TULP4: variants seen among roughly 807,000 people sequenced by gnomAD.
The protein encoded by TULP4 is TUB like protein 4, also known as tubby-related protein 4.
TULP4 carries 16 observed loss-of-function variants against 129.0 expected under a neutral mutation model. That is an observed-to-expected ratio of 0.12 (90% CI 0.08 to 0.19). The LOEUF (loss-of-function observed/expected upper bound fraction) is 0.19, where lower values mean the gene tolerates loss of function less well. Among genes scored for constraint, TULP4 ranks in the 10% least tolerant of loss-of-function variants. The pLI, the probability that TULP4 is intolerant of heterozygous loss-of-function variation, is 1.00. For missense variants in TULP4, 1,842 were observed against 2,059.1 expected (o/e 0.89, Z 2.04); for synonymous variants, 998 against 854.0 (o/e 1.17, Z -2.94).
At chr6:158,284,441 T>C (rs827853) in intron 1 of TULP4, among the ~76,000 whole-genome samples, 20,283 of 152,238 alleles carry the variant, frequency 0.13, 1,717 homozygotes, top group African/African-American at 0.23. Flanking sequence ...TGCTACCCTC[T>C]ACCCGCTGCT....
At chr6:158,442,019 C>T (rs940438723) in intron 3 of TULP4, among the ~76,000 whole-genome samples, 8 of 152,202 alleles carry the variant, frequency 5.3e-5, no homozygotes, top group African/African-American at 1.9e-4. Flanking sequence ...GTTATTTCTG[C>T]TTCCCTGAAT....
At chr6:158,425,283 G>A (rs184356062) in intron 2 of TULP4, among the ~76,000 whole-genome samples, 1 of 151,908 alleles carries the variant, frequency 6.6e-6, no homozygotes, top group Admixed American at 6.5e-5. Flanking sequence ...GGAAGCCGAG[G>A]AGGGCCGATC....
chr6:158,321,059 A>T (rs1319929536), intron 1 of TULP4, among the ~76,000 whole-genome samples: 1 of 151,974 alleles, frequency 6.6e-6, no homozygotes, highest in Non-Finnish European at 1.5e-5. Flanking sequence ...TTTTAAAAAA[A>T]TTTTCTTTAA....
At chr6:158,275,251 C>T (rs918215190) in intron 1 of TULP4, among the ~76,000 whole-genome samples, 1 of 152,154 alleles carries the variant, frequency 6.6e-6, no homozygotes, top group African/African-American at 2.4e-5. Flanking sequence ...CCTCTTAGTC[C>T]TGCCCATCTT....
rs1052243578 is a variant in TULP4 at position 158,489,656 on chromosome 6, A to G, written c.1555A>G (p.Ile519Val). Residue 519 changes from isoleucine to valine, a missense_variant, in exon 9 of 14, where the codon ATT (isoleucine) becomes GTT (valine). Physicochemically the swap from Ile to Val is conservative, Grantham distance 29. Around this residue, in one of 5 missense-constraint regions of TULP4, gnomAD observed 456 missense variants for 534.3 expected, o/e 0.85. Transcript: ENST00000367097. ...CTGCAACTGCTCAGACTCCAGTGAC[A>G]TTGAGCTGAGTGATGACTGGGCTGC... Reference protein sequence around the residue: ...DSCNCSDSSDIELSDDWAAKK... With the variant: ...DSCNCSDSSDVELSDDWAAKK... 30 of 1,614,108 alleles carry G rather than the reference A, an allele frequency of 1.9e-5. No homozygotes were observed. Among genetic ancestry groups the G allele is most frequent in the African/African-American group, 2.7e-5 (2 of 74,942 alleles).
intron 6 of TULP4, among the ~76,000 whole-genome samples, chr6:158,478,868 A>G (rs1178642872): frequency 6.6e-6 from 1 of 152,142 alleles, no homozygotes; most frequent in Non-Finnish European, 1.5e-5. Flanking sequence ...CTCAAAGATA[A>G]TGATGGCCAT....
intron 1 of TULP4, among the ~76,000 whole-genome samples, chr6:158,349,003 C>T (rs1359984043): frequency 1.5e-4 from 10 of 65,312 alleles, no homozygotes; most frequent in East Asian, 9.9e-4. Flanking sequence ...CGGGCAGAGG[C>T]GCTCCTCACT....
intron 2 of TULP4, among the ~76,000 whole-genome samples, chr6:158,414,371 C>T (rs1392576983): frequency 1.0e-5 from 1 of 95,444 alleles, no homozygotes; most frequent in Non-Finnish European, 3.1e-5. Context: ...CAATGTAGGC[C>T]GGAAATCCCA....
At chr6:158,501,583 G>A in intron 12 of TULP4, 95 bp from the exon 13 acceptor site, 1 of 1,274,474 alleles carries the variant, frequency 7.8e-7, no homozygotes, top group Non-Finnish European at 1.1e-6. Flanking sequence ...TTTGTTTACA[G>A]AAGGAGACTG....
intron 13 of TULP4, among the ~76,000 whole-genome samples, chr6:158,504,573 A>G (rs1780554882): frequency 6.8e-6 from 1 of 147,986 alleles, no homozygotes; most frequent in African/African-American, 2.5e-5. Context: ...AGCCAGGATG[A>G]TCTCGATCTC....
rs1779410952 is a variant in TULP4, at chr6:158,313,466, G to A, written c.-551G>A. 5.0e-6 allele frequency: 2 copies of A among 400,064 alleles called. No homozygotes were observed. The highest frequency in any genetic ancestry group is 8.7e-5 in the Admixed American group (2 of 22,970). 24.8% of individuals were successfully genotyped at this position (400,064 alleles called of 1,614,324 possible). A position where few individuals can be genotyped will look rare whatever the true frequency, so the allele number is the denominator to read the frequency against. On this transcript the variant is annotated 5_prime_UTR_variant, in exon 1 of 14. The change abolishes an upstream ATG in the 5' untranslated region. Transcript: ENST00000367097. ...GAAATTTGTCTAGTTCAGGAAACAT[G>A]CTAGAGGGTGGCTTCAGAAGGAAGA...
intron 1 of TULP4, among the ~76,000 whole-genome samples, chr6:158,325,653 G>A (rs974645944): frequency 5.9e-5 from 9 of 152,112 alleles, no homozygotes; most frequent in African/African-American, 2.2e-4. Context: ...GCCCAGCCGA[G>A]GAACAGCTCT....
rs1009707811 is a variant in TULP4, at chr6:158,508,154, TTTG to T, written c.*1469_*1471del. 6 of 152,352 alleles carry T rather than the reference TTTG, an allele frequency of 3.9e-5. No individual in the cohort carries two copies. The highest frequency in any genetic ancestry group is 1.9e-4 in the East Asian group (1 of 5,192). 9.4% of individuals were successfully genotyped at this position (152,352 alleles called of 1,614,324 possible). On this transcript the variant is annotated 3_prime_UTR_variant, in exon 14 of 14. Transcript: ENST00000367097. Reference sequence around the variant, plus strand: ...AACCCAGTGTTTTTTGTTGTTGTTTTTTGTTGTTGTTTTTTGTTTTTGTTTTTG... The same window carrying T: ...AACCCAGTGTTTTTTGTTGTTGTTTTTTGTTGTTTTTTGTTTTTGTTTTTG...
In TULP4 at chr6:158,503,581, G is replaced by A. The variant is rs1780524704; in HGVS notation, c.3918G>A (p.Glu1306=). The A allele has an allele frequency of 2.5e-6, 4 of 1,614,044 alleles. No individual in the cohort carries two copies. The highest frequency in any genetic ancestry group is 3.4e-6 in the Non-Finnish European group (4 of 1,180,008). The change falls in exon 13 of 14, where the codon GAG becomes GAA. Residue 1306 remains glutamate (E), a synonymous_variant. Transcript: ENST00000367097. This position sits in a 1 kb window ranked among gnomAD's most constrained non-coding sequence, Gnocchi z 4.3. The part of the protein sequence containing the change: ...PADLQSHLGT[E]VMVETADNFQ... ...ACCTCCAAAGCCACTTGGGCACAGA[G>A]GTGATGGTAGAGACTGCAGACAACT...
chr6:158,438,239 A>G (rs1778794392), intron 3 of TULP4, among the ~76,000 whole-genome samples: 1 of 152,158 alleles, frequency 6.6e-6, no homozygotes, highest in Non-Finnish European at 1.5e-5. Context: ...TCTTTGTTGT[A>G]TTTAAAGTGA....
upstream of TULP4, among the ~76,000 whole-genome samples, chr6:158,309,260 G>A (rs533299292): frequency 2.7e-4 from 37 of 137,972 alleles, no homozygotes; most frequent in African/African-American, 8.6e-4. Context: ...ACGGGGTCGC[G>A]GCCGGGCAGA....
intron 2 of TULP4, among the ~76,000 whole-genome samples, chr6:158,416,800 G>T (rs1414439509): frequency 6.6e-6 from 1 of 152,134 alleles, no homozygotes; most frequent in Admixed American, 6.5e-5. Context: ...CTCCATTCAT[G>T]GTAAGTGCCC....
intron 1 of TULP4, among the ~76,000 whole-genome samples, chr6:158,382,648 T>C (rs1474873072): frequency 1.3e-5 from 2 of 152,162 alleles, no homozygotes; most frequent in East Asian, 3.8e-4. Context: ...ATAGATAAGG[T>C]TGACCTCACA....
At chr6:158,437,335 G>A (rs532707605) in intron 3 of TULP4, among the ~76,000 whole-genome samples, 2 of 152,274 alleles carry the variant, frequency 1.3e-5, no homozygotes, top group South Asian at 4.1e-4. Context: ...GCCAGAGCAG[G>A]AGAATTGCTT....
Sources: gnomAD v4.1 joint callset for allele counts (sites outside exome capture counted in the v4.1 genomes callset) on GRCh38, gnomAD v4.1.1 for gene constraint, gnomAD v4.1.1 regional missense constraint, Gnocchi (gnomAD v3.1) non-coding constraint, MANE v1.5 for transcripts, NCBI Gene and HGNC (gene_info 2026-07-23, HGNC 2026-07-21) for gene names.